The following CDKAL1 variants were observed in gnomAD, a reference collection of about 807,000 sequenced individuals.
CDKAL1 encodes CDKAL1 threonylcarbamoyladenosine tRNA methylthiotransferase, also known as threonylcarbamoyladenosine tRNA methylthiotransferase.
Under a neutral mutation model 68.2 loss-of-function variants are expected in CDKAL1, and 32 were observed. The observed-to-expected ratio is 0.47, with a 90% CI of 0.35 to 0.63. The LOEUF is 0.63. Among genes scored for constraint, CDKAL1 ranks in the 30% least tolerant of loss-of-function variants. The pLI, the probability that CDKAL1 is intolerant of heterozygous loss-of-function variation, is 0.00. For missense variants in CDKAL1, 606 were observed against 696.7 expected, an observed-to-expected ratio of 0.87 and a Z score of 1.47; for synonymous variants, 234 against 244.3, an observed-to-expected ratio of 0.96 and a Z score of 0.39.
intron 6 of CDKAL1, among the ~76,000 whole-genome samples, chr6:20,746,520 C>T (rs1773670483): frequency 6.6e-6 from 1 of 152,116 alleles, no homozygotes; most frequent in African/African-American, 2.4e-5. Context: ...TCAGCTTCCC[C>T]ACATTTAAGG....
intron 13 of CDKAL1, among the ~76,000 whole-genome samples, chr6:21,197,115 G>A (rs1778503457): frequency 7.1e-6 from 1 of 141,152 alleles, no homozygotes; most frequent in South Asian, 2.1e-4. Context: ...CCAAGATCAT[G>A]CCACTGAACT....
chr6:21,200,438 A>G (rs1056831220), intron 14 of CDKAL1, among the ~76,000 whole-genome samples: 3 of 152,216 alleles, frequency 2.0e-5, no homozygotes, highest in African/African-American at 7.2e-5. Flanking sequence ...GTACAGTGTT[A>G]TTGGAAGGTT....
chr6:21,190,125 TA>T (rs1265818536), intron 13 of CDKAL1, among the ~76,000 whole-genome samples: 1 of 151,410 alleles, frequency 6.6e-6, no homozygotes, highest in East Asian at 1.9e-4. Flanking sequence ...CCAGGCAGCT[TA>T]GGGGGGAAAA....
At chr6:20,783,129 T>A (rs1346307120) in intron 8 of CDKAL1, among the ~76,000 whole-genome samples, 3 of 152,090 alleles carry the variant, frequency 2.0e-5, no homozygotes, top group African/African-American at 7.2e-5. Flanking sequence ...GGAGTTTCAC[T>A]GTGTTGCCCC....
At chr6:20,764,242 G>A (rs1160461545) in intron 7 of CDKAL1, among the ~76,000 whole-genome samples, 1 of 152,010 alleles carries the variant, frequency 6.6e-6, no homozygotes, top group Non-Finnish European at 1.5e-5. Context: ...TTTACCTATC[G>A]ACATTAGAAA....
rs1019797241 is a variant in CDKAL1 at position 21,136,996 on chromosome 6, A to T, written c.1299+28533A>T. On this transcript the variant is annotated intron_variant, in intron 13 of 15. Transcript: ENST00000274695. ...GCCTCCAAGGTTATTGACAGCCCCG[A>T]CCAGCGTCTACCATTGCCATCCCCT... Among the ~76,000 whole-genome samples, 3 of 152,148 alleles carry T rather than the reference A, an allele frequency of 2.0e-5. No individual in the cohort carries two copies. The South Asian group carries it at 6.2e-4, about 32-fold the overall frequency.
At chr6:21,029,593 T>G (rs541019838) in intron 11 of CDKAL1, among the ~76,000 whole-genome samples, 7 of 152,168 alleles carry the variant, frequency 4.6e-5, no homozygotes, top group African/African-American at 1.7e-4. Flanking sequence ...CTGGCAAAGG[T>G]GTAATATCTG....
At chr6:21,207,626 A>G (rs1323667442) in intron 15 of CDKAL1, among the ~76,000 whole-genome samples, 3 of 152,238 alleles carry the variant, frequency 2.0e-5, no homozygotes, top group African/African-American at 4.8e-5. Context: ...TGATTCTACT[A>G]TTACAAAAAA....
chr6:20,549,580 ATATT>A (rs55998379), intron 4 of CDKAL1, among the ~76,000 whole-genome samples: 56,171 of 146,516 alleles, frequency 0.38, 11,286 homozygotes, highest in Middle Eastern at 0.48. Flanking sequence ...CTTTACATTT[ATATT>A]TATTTATTTA....
intron 13 of CDKAL1, among the ~76,000 whole-genome samples, chr6:21,187,980 G>A (rs193148175): frequency 1.1e-3 from 168 of 152,084 alleles, no homozygotes; most frequent in Non-Finnish European, 1.9e-3. Context: ...GTGTTTATTC[G>A]TTGAAAATTA....
chr6:21,058,397 T>C (rs1224231127), intron 11 of CDKAL1, among the ~76,000 whole-genome samples: 1 of 152,252 alleles, frequency 6.6e-6, no homozygotes, highest in African/African-American at 2.4e-5. Flanking sequence ...ATTTTGAGCC[T>C]ATGTGTGTCT....
chr6:20,777,099 G>T (rs942064328), intron 7 of CDKAL1, among the ~76,000 whole-genome samples: 1 of 152,218 alleles, frequency 6.6e-6, no homozygotes, highest in Non-Finnish European at 1.5e-5. Context: ...CTGAGCTAGC[G>T]CTATGAGGCT....
At chr6:20,880,708 G>A (rs1051232350) in intron 9 of CDKAL1, among the ~76,000 whole-genome samples, 10 of 152,002 alleles carry the variant, frequency 6.6e-5, no homozygotes, top group African/African-American at 2.4e-4. Flanking sequence ...CATATATAAT[G>A]TGGGTCTGAG....
At chr6:20,680,889 G>A (rs1282474884) in intron 5 of CDKAL1, among the ~76,000 whole-genome samples, 1 of 152,178 alleles carries the variant, frequency 6.6e-6, no homozygotes, top group Non-Finnish European at 1.5e-5. Context: ...TTGTTTGCTA[G>A]CCCATAAGGA....
chr6:20,784,625 A>G (rs930840456), intron 8 of CDKAL1, among the ~76,000 whole-genome samples: 4 of 151,410 alleles, frequency 2.6e-5, no homozygotes, highest in East Asian at 2.0e-4. Context: ...GGGTTTCACC[A>G]TATTGGCCAG....
intron 12 of CDKAL1, among the ~76,000 whole-genome samples, chr6:21,092,355 T>G (rs901355691): frequency 6.6e-6 from 1 of 151,778 alleles, no homozygotes; most frequent in Admixed American, 6.6e-5. Flanking sequence ...CTGTCAACCC[T>G]TCATCTAGGT....
In CDKAL1 at chr6:21,184,347, A is replaced by G. The variant is rs561924964; in HGVS notation, c.1300-13674A>G. Among the ~76,000 whole-genome samples the G allele has an allele frequency of 5.9e-4, 90 of 152,006 alleles. 1 individual carries two copies. Among genetic ancestry groups the G allele is most frequent in the African/African-American group, 2.1e-3 (89 of 41,436 alleles). On this transcript the variant is annotated intron_variant, in intron 13 of 15. Coordinates refer to ENST00000274695, the MANE Select transcript of CDKAL1 (RefSeq NM_017774.3). ...GTAGCTGGGATTGTAGACACCCACC[A>G]CCATGCCCGGCTAATTTTTGTATTT...
intron 11 of CDKAL1, among the ~76,000 whole-genome samples, chr6:21,042,239 A>C (rs1423056463): frequency 6.6e-6 from 1 of 151,996 alleles, no homozygotes; most frequent in Non-Finnish European, 1.5e-5. Context: ...CTAATATTTT[A>C]ACTGTACACC....
At chr6:20,570,360 C>T (rs1433815261) in intron 4 of CDKAL1, among the ~76,000 whole-genome samples, 1 of 151,872 alleles carries the variant, frequency 6.6e-6, no homozygotes, top group South Asian at 2.1e-4. Flanking sequence ...CCTCGGCCTC[C>T]CAAAGTGCTG....
Sources: allele counts gnomAD v4.1 joint callset (sites outside exome capture counted in the v4.1 genomes callset), GRCh38; gene constraint gnomAD v4.1.1; transcripts MANE v1.5; gene names NCBI Gene and HGNC (gene_info 2026-07-23, HGNC 2026-07-21).